The following TTC16 variants were observed in gnomAD, a reference collection of about 807,000 sequenced individuals.
TTC16 encodes tetratricopeptide repeat protein 16.
TTC16 carries 66 observed loss-of-function variants against 80.4 expected under a neutral mutation model. That is an observed-to-expected ratio of 0.82 (90% CI 0.67 to 1.01). TTC16 has a LOEUF of 1.01. TTC16 is among the 50% of genes least tolerant of loss of function. The pLI, the probability that TTC16 is intolerant of heterozygous loss-of-function variation, is 0.00. For missense variants in TTC16, 1,070 were observed against 1,103.2 expected (o/e 0.97, Z 0.43); for synonymous variants, 438 against 451.3 (o/e 0.97, Z 0.37).
rs557366886 is a variant in TTC16 at position 127,724,031 on chromosome 9, C to T, written c.873-89C>T. The T allele has an allele frequency of 1.7e-5, 25 of 1,446,928 alleles. No homozygotes were observed. The African/African-American group carries it at 2.1e-4, about 12-fold the overall frequency. The allele number at this position is 1,446,928 out of a possible 1,614,324, so 89.6% of individuals were successfully genotyped here. ...CTCCATGGGTCAGGAGGCCCAGAGC[C>T]GGCAGTGGCTTGTCTGGCCACTAGC... On this transcript the variant is annotated intron_variant, in intron 7 of 13. Coordinates refer to ENST00000373289, the MANE Select transcript of TTC16 (RefSeq NM_144965.3).
Position 127,724,790 on chromosome 9 carries a change from C to A in TTC16, c.1152C>A (p.Ala384=), listed in dbSNP as rs751299245. The change falls in exon 9 of 14, where the codon GCC becomes GCA. Residue 384 remains alanine, a synonymous_variant. Transcript: ENST00000373289. ...CFFQLGNLAF[A]EADYQQALAL... The stretch of plus-strand genomic sequence containing the variant: ...TCCAGCTGGGCAACCTGGCCTTTGC[C>A]GAGGCGGACTACCAGCAGGCGCTGG... 2 of 1,610,634 alleles carry A rather than the reference C, an allele frequency of 1.2e-6. No homozygotes were observed. Among genetic ancestry groups the A allele is most frequent in the East Asian group, 2.2e-5 (1 of 44,834 alleles).
chr9:127,717,606 A>C, intron 3 of TTC16, 23 bp from the exon 4 acceptor site: 1 of 1,611,276 alleles, frequency 6.2e-7, no homozygotes, highest in Non-Finnish European at 8.5e-7. Flanking sequence ...AGGATCTAGC[A>C]GCCTGGGTCC....
At position 127,730,856 on chromosome 9, in the gene TTC16, G is replaced by T. The variant is rs774479002; in HGVS notation, c.2073G>T (p.Gln691His). The T allele has an allele frequency of 9.9e-6, 16 of 1,611,316 alleles. No homozygotes were observed. The highest frequency in any genetic ancestry group is 1.3e-5 in the Non-Finnish European group (15 of 1,179,286). The change falls in exon 14 of 14, where the codon CAG (glutamine) becomes CAT (histidine). Residue 691 changes from glutamine to histidine, a missense_variant. Transcript: ENST00000373289. ...GCAAGACTGAGCCCACCCAGAGCCA[G>T]AGGCGGAACTCCAGCAAGACCAAGG... ...SLSKTEPTQSQRRNSSKTKAT... is the reference protein window; with the variant it reads ...SLSKTEPTQSHRRNSSKTKAT...
chr9:127,721,686 C>T (rs1843524572), intron 6 of TTC16, among the ~76,000 whole-genome samples: 1 of 152,108 alleles, frequency 6.6e-6, no homozygotes, highest in Non-Finnish European at 1.5e-5. Flanking sequence ...GATTCAGTGG[C>T]ATGAGACTAG....
At chr9:127,730,509 T>C (rs373897230) in intron 13 of TTC16, 127 bp from the exon 14 acceptor site, 10 of 1,403,438 alleles carry the variant, frequency 7.1e-6, no homozygotes, top group South Asian at 5.7e-5. Flanking sequence ...GATCTGCAGG[T>C]CTTTCCCTTT....
At chr9:127,724,039 G>A (rs2131654221) in intron 7 of TTC16, 81 bp from the exon 8 acceptor site, 4 of 1,455,930 alleles carry the variant, frequency 2.7e-6, no homozygotes, top group Non-Finnish European at 3.6e-6. Flanking sequence ...GCCGGCAGTG[G>A]CTTGTCTGGC....
chr9:127,724,396 G>A, intron 8 of TTC16, 32 bp downstream of exon 8: 7 of 1,606,182 alleles, frequency 4.4e-6, no homozygotes, highest in Non-Finnish European at 6.0e-6. Context: ...GGGGAGGGGG[G>A]GTGCGGGGGA....
rs1246911092 is a variant in TTC16, at chr9:127,722,384, C to T, written c.658-735C>T. 6.6e-6 allele frequency among the ~76,000 whole-genome samples: 1 copy of T among 152,130 alleles called. No homozygotes were observed. The highest frequency in any genetic ancestry group is 1.5e-5 in the Non-Finnish European group (1 of 68,014). ...CTTGCTGGGGGAGGTTTCCACTGTA[C>T]CCAGGCCCGAATCTGGGCTTGGGCA... is the stretch of plus-strand genomic sequence containing the variant. On this transcript the variant is annotated intron_variant, in intron 6 of 13. Coordinates refer to ENST00000373289, the MANE Select transcript of TTC16 (RefSeq NM_144965.3). The surrounding 1 kb of genome is among the most constrained non-coding windows in gnomAD (Gnocchi z 4.2).
At position 127,716,929 on chromosome 9, in the gene TTC16, T is replaced by A. The variant is rs1294522646; in HGVS notation, c.104T>A (p.Ile35Asn). Residue 35 changes from isoleucine (I) to asparagine (N), a missense_variant, in exon 2 of 14, where the codon ATC becomes AAC. Physicochemically the swap from Ile to Asn is moderately radical, Grantham distance 149. Transcript: ENST00000373289. ...IPAPKGILQH[I>N]FGTSHVFQSI... ...GCCCCCAAAGGGATCCTGCAGCACATCTTTGGGACCAGCCACGTGTTCCAA... is the reference window on the plus strand; with the variant it reads ...GCCCCCAAAGGGATCCTGCAGCACAACTTTGGGACCAGCCACGTGTTCCAA... The A allele has an allele frequency of 6.2e-7, 1 of 1,613,902 alleles. No homozygotes were observed. The highest frequency in any genetic ancestry group is 1.3e-5 in the African/African-American group (1 of 74,860).
At chr9:127,730,445 C>T (rs370561759) in intron 13 of TTC16, 191 bp from the exon 14 acceptor site, 1 of 755,730 alleles carries the variant, frequency 1.3e-6, no homozygotes, top group East Asian at 2.7e-5. Flanking sequence ...GGCATCTCCC[C>T]CATCTCACAG....
chr9:127,730,807 C>T lies in TTC16; in HGVS notation c.2024C>T (p.Thr675Ile), dbSNP rs1308315044. The change falls in exon 14 of 14, where the codon ACC becomes ATC. Residue 675 changes from threonine to isoleucine, a missense_variant. Physicochemically the swap from Thr to Ile is moderately conservative, Grantham distance 89. Transcript: ENST00000373289. ...CATGGTCCCAGAAAAATCAAGGCCACCCAGGGCCAGAGGCAGAGCCTTAGC... is the reference window on the plus strand; with the variant it reads ...CATGGTCCCAGAAAAATCAAGGCCATCCAGGGCCAGAGGCAGAGCCTTAGC... ...LSHGPRKIKA[T>I]QGQRQSLSKT... 6 of 1,613,738 alleles carry T rather than the reference C, an allele frequency of 3.7e-6. No individual in the cohort carries two copies. The highest frequency in any genetic ancestry group is 5.1e-6 in the Non-Finnish European group (6 of 1,180,048).
At chr9:127,726,206 TCATAG>T in intron 9 of TTC16, 28 bp from the exon 10 acceptor site, 1 of 1,527,142 alleles carries the variant, frequency 6.5e-7, no homozygotes, top group South Asian at 1.3e-5. Flanking sequence ...ATGGCCCAGC[TCATAG>T]CAGCTTGGGA....
chr9:127,716,794 G>T, intron 1 of TTC16, 50 bp from the exon 2 acceptor site: 1 of 1,570,292 alleles, frequency 6.4e-7, no homozygotes, highest in Non-Finnish European at 8.7e-7. Context: ...GTGTCAGTGG[G>T]TGGGGGTCGT....
chr9:127,729,544 C>T (rs778129458), intron 12 of TTC16, 37 bp from the exon 13 acceptor site: 1 of 1,586,972 alleles, frequency 6.3e-7, no homozygotes, highest in Admixed American at 1.7e-5. Flanking sequence ...CACGGGCCTC[C>T]TACCATCTGA....
Position 127,729,734 on chromosome 9 carries a change from G to A in TTC16, c.1852+66G>A. 2.0e-6 allele frequency: 3 copies of A among 1,483,092 alleles called. No individual in the cohort carries two copies. In the Admixed American group the frequency reaches 5.1e-5, roughly 25 times the overall value. 91.9% of individuals were successfully genotyped at this position (1,483,092 alleles called of 1,614,324 possible). On this transcript the variant is annotated intron_variant, in intron 13 of 13. Transcript: ENST00000373289. ...GCAGCAGGGTAGTCAAAGCTCAGGG[G>A]TCGAAGACCGCTGGCCTAGGTGTGC... is the stretch of plus-strand genomic sequence containing the variant.
At position 127,716,305 on chromosome 9, in the gene TTC16, C is replaced by G; in HGVS notation, c.18+142C>G. The G allele has an allele frequency of 1.4e-5, 17 of 1,257,616 alleles. No individual in the cohort carries two copies. In the South Asian group the frequency reaches 2.1e-4, roughly 16 times the overall value. 77.9% of individuals were successfully genotyped at this position (1,257,616 alleles called of 1,614,324 possible). On this transcript the variant is annotated intron_variant, in intron 1 of 13. Coordinates refer to ENST00000373289, the MANE Select transcript of TTC16 (RefSeq NM_144965.3). ...AAGGCCCTGGCCGCCATGCCAAGAA[C>G]CAGGCATGTGAAAGATCCTTGTAAG...
chr9:127,727,761 A>G (rs1844099553), intron 12 of TTC16: 2 of 352,118 alleles, frequency 5.7e-6, no homozygotes, highest in Admixed American at 4.8e-5. Context: ...CACTTGTGCC[A>G]GAATTTTTTG....
rs905262643 is a variant in TTC16, at chr9:127,724,884, G to C, written c.1246G>C (p.Glu416Gln). The C allele has an allele frequency of 1.9e-6, 3 of 1,550,848 alleles. No homozygotes were observed. Among genetic ancestry groups the C allele is most frequent in the Non-Finnish European group, 1.7e-6 (2 of 1,151,512 alleles). ...GLLQEKMGFC[E>Q]QRRKQFQKAE... is the part of the protein sequence containing the mutation. ...GCTGCAGGAGAAGATGGGCTTCTGC[G>C]AGCAGAGGCGCAAGTGCGTGGGCTC... Residue 416 changes from glutamate to glutamine, a missense_variant, in exon 9 of 14, where the codon GAG becomes CAG. Physicochemically the swap from Glu to Gln is conservative, Grantham distance 29. Coordinates refer to ENST00000373289, the MANE Select transcript of TTC16 (RefSeq NM_144965.3).
In TTC16 at chr9:127,730,898, G is replaced by T; in HGVS notation, c.2115G>T (p.Arg705Ser). 6.2e-7 allele frequency: 1 copy of T among 1,612,874 alleles called. No homozygotes were observed. The highest frequency in any genetic ancestry group is 8.5e-7 in the Non-Finnish European group (1 of 1,179,788). Residue 705 changes from arginine to serine, a missense_variant, in exon 14 of 14, where the codon AGG becomes AGT. Physicochemically the swap from Arg to Ser is moderately radical, Grantham distance 110 (BLOSUM62 -1). Coordinates refer to ENST00000373289, the MANE Select transcript of TTC16 (RefSeq NM_144965.3). ...SSKTKATIHK[R>S]NSSKTKATQS... ...AGACCAAGGCCACTATACACAAGAG[G>T]AACTCCAGCAAGACCAAGGCCACCC...
Sources: allele counts gnomAD v4.1 joint callset (sites outside exome capture counted in the v4.1 genomes callset), GRCh38; gene constraint gnomAD v4.1.1; non-coding constraint Gnocchi (gnomAD v3.1); transcripts MANE v1.5; gene names NCBI Gene and HGNC (gene_info 2026-07-23, HGNC 2026-07-21).